Variants in SPIDR observed in about 807,000 individuals in gnomAD.
SPIDR encodes the protein DNA repair-scaffolding protein.
A neutral mutation model predicts 104.6 loss-of-function variants in SPIDR; 93 were observed. The ratio of observed to expected loss-of-function variants is 0.89; its 90% CI spans 0.75 to 1.06. The LOEUF (loss-of-function observed/expected upper bound fraction) is 1.06, where lower values mean the gene tolerates loss of function less well. SPIDR is among the 50% of genes least tolerant of loss of function. SPIDR has a pLI of 0.00. For synonymous variants in SPIDR, 431 were observed against 416.9 expected (o/e 1.03, Z -0.41); for missense variants, 1,154 against 1,111.2 (o/e 1.04, Z -0.55).
chr8:47,439,601 G>A (rs565721642), intron 7 of SPIDR, among the ~76,000 whole-genome samples: 158 of 152,232 alleles, frequency 1.0e-3, no homozygotes, highest in Non-Finnish European at 1.7e-3. Context: ...CAGTTTCTGG[G>A]TACCTACCTA....
At chr8:47,403,505 A>T (rs1424396603) in intron 6 of SPIDR, among the ~76,000 whole-genome samples, 2 of 152,246 alleles carry the variant, frequency 1.3e-5, no homozygotes, top group African/African-American at 4.8e-5. Context: ...AATTCAGCAA[A>T]GTCTTGGGAT....
chr8:47,654,235 G>C, intron 10 of SPIDR: 1 of 1,230,078 alleles, frequency 8.1e-7, no homozygotes, highest in Non-Finnish European at 1.1e-6. Flanking sequence ...GAAAGAACAG[G>C]GTTTAAGAGA....
At chr8:47,466,918 TAGATAGATAG>T (rs1564054530) in intron 8 of SPIDR, among the ~76,000 whole-genome samples, 8 of 123,732 alleles carry the variant, frequency 6.5e-5, no homozygotes, top group South Asian at 2.4e-4. Context: ...TATATATAGA[TAGATAGATAG>T]ATAGATAGAT....
At chr8:47,735,007 G>C (rs1167311203) in intron 19 of SPIDR, among the ~76,000 whole-genome samples, 1 of 152,174 alleles carries the variant, frequency 6.6e-6, no homozygotes, top group Non-Finnish European at 1.5e-5. Context: ...CTTCCCAGCA[G>C]AGTCTGTGTG....
intron 8 of SPIDR, among the ~76,000 whole-genome samples, chr8:47,443,848 G>A (rs1347619653): frequency 4.6e-5 from 7 of 151,738 alleles, no homozygotes; most frequent in African/African-American, 1.7e-4. Flanking sequence ...TACAATGGCT[G>A]CTTACCCCGA....
chr8:47,331,613 T>TG (rs1449241591), intron 5 of SPIDR, among the ~76,000 whole-genome samples: 1 of 152,212 alleles, frequency 6.6e-6, no homozygotes, highest in East Asian at 1.9e-4. Flanking sequence ...GTTGAGTGAA[T>TG]GTGAAGGCCT....
chr8:47,337,986 T>C (rs1379407339), intron 5 of SPIDR, among the ~76,000 whole-genome samples: 1 of 152,228 alleles, frequency 6.6e-6, no homozygotes, highest in Non-Finnish European at 1.5e-5. Flanking sequence ...TAATGTAATT[T>C]TATAATAGGT....
chr8:47,572,121 T>C (rs1170709949), intron 8 of SPIDR, among the ~76,000 whole-genome samples: 1 of 152,194 alleles, frequency 6.6e-6, no homozygotes, highest in Non-Finnish European at 1.5e-5. Context: ...ATATTTGATA[T>C]AATATAAAAT....
intron 16 of SPIDR, among the ~76,000 whole-genome samples, chr8:47,716,162 GT>G (rs1161858007): frequency 6.6e-6 from 1 of 151,950 alleles, no homozygotes; most frequent in South Asian, 2.1e-4. Context: ...ATTTTGCCGT[GT>G]TGGCCAGGCT....
intron 1 of SPIDR, among the ~76,000 whole-genome samples, chr8:47,268,790 C>A (rs1405284206): frequency 6.6e-6 from 1 of 152,056 alleles, no homozygotes; most frequent in African/African-American, 2.4e-5. Flanking sequence ...GAGATTGTAT[C>A]CTGCAACTTT....
chr8:47,411,007 G>T (rs1253131954), intron 7 of SPIDR, among the ~76,000 whole-genome samples: 2 of 152,134 alleles, frequency 1.3e-5, no homozygotes, highest in Non-Finnish European at 2.9e-5. Context: ...TTTTATGGCT[G>T]CATAGTATTT....
chr8:47,293,913 G>A lies in SPIDR; in HGVS notation c.408G>A (p.Glu136=). ...GGGAGATTGACAGTGACAGGGCAGAGGCTAGTGACTGTGATGAATTTGAAG... is the reference window on the plus strand; with the variant it reads ...GGGAGATTGACAGTGACAGGGCAGAAGCTAGTGACTGTGATGAATTTGAAG... ...IDWEIDSDRA[E]ASDCDEFEDD... The change falls in exon 5 of 20, where the codon GAG becomes GAA. Residue 136 remains glutamate (E), a synonymous_variant. Transcript: ENST00000297423. 5.6e-6 allele frequency: 9 copies of A among 1,614,088 alleles called. No homozygotes were observed. Among genetic ancestry groups the A allele is most frequent in the South Asian group, 2.2e-5 (2 of 91,078 alleles).
At chr8:47,284,332 T>A (rs1162253413) in intron 3 of SPIDR, among the ~76,000 whole-genome samples, 3 of 152,206 alleles carry the variant, frequency 2.0e-5, no homozygotes, top group African/African-American at 7.2e-5. Context: ...TTGTGTGTCC[T>A]TCCTAAGTTC....
At position 47,564,072 on chromosome 8, in the gene SPIDR, CTTTTTTTTTTTT is replaced by C. The variant is rs869220760; in HGVS notation, c.1098-31725_1098-31714del. On this transcript the variant is annotated intron_variant, in intron 8 of 19. Coordinates refer to ENST00000297423, the MANE Select transcript of SPIDR (RefSeq NM_001080394.4). ...TAAATATTTGCTTCTTTTTTCTTTTCTTTTTTTTTTTTTTTTTTTTTTTTTGAGGCGGAGTCT... is the reference window on the plus strand; with the variant it reads ...TAAATATTTGCTTCTTTTTTCTTTTCTTTTTTTTTTTTTGAGGCGGAGTCT... Among the ~76,000 whole-genome samples the C allele has an allele frequency of 3.4e-4, 26 of 76,834 alleles. 1 individual carries two copies. The Admixed American group carries it at 4.9e-3, about 14-fold the overall frequency. The allele number at this position is 76,834 out of a possible 152,430, so 50.4% of individuals were successfully genotyped here.
At chr8:47,539,825 G>C (rs1228814700) in intron 8 of SPIDR, among the ~76,000 whole-genome samples, 3 of 152,034 alleles carry the variant, frequency 2.0e-5, no homozygotes, top group Non-Finnish European at 4.4e-5. Flanking sequence ...CTGCAGCCTT[G>C]TTAGGACTGT....
intron 7 of SPIDR, among the ~76,000 whole-genome samples, chr8:47,424,331 G>T (rs1050111409): frequency 6.6e-6 from 1 of 151,946 alleles, no homozygotes; most frequent in Non-Finnish European, 1.5e-5. Context: ...TTTGAGTAGG[G>T]TCTCCCTCTG....
At chr8:47,588,889 G>C (rs1415573655) in intron 8 of SPIDR, among the ~76,000 whole-genome samples, 1 of 151,982 alleles carries the variant, frequency 6.6e-6, no homozygotes, top group Non-Finnish European at 1.5e-5. Context: ...TACCAAACAA[G>C]GCCATCTTGC....
chr8:47,464,323 A>G (rs1354688289), intron 8 of SPIDR, among the ~76,000 whole-genome samples: 1 of 152,176 alleles, frequency 6.6e-6, no homozygotes. Flanking sequence ...TAGATGCCAG[A>G]CTCTTACAAT....
At chr8:47,732,347 G>A (rs767774483) in intron 19 of SPIDR, among the ~76,000 whole-genome samples, 37 of 152,242 alleles carry the variant, frequency 2.4e-4, no homozygotes, top group Non-Finnish European at 4.3e-4. Flanking sequence ...GCCCATGCCC[G>A]TGTGCATGTG....
Sources: gnomAD v4.1 joint callset for allele counts (sites outside exome capture counted in the v4.1 genomes callset) on GRCh38, gnomAD v4.1.1 for gene constraint, MANE v1.5 for transcripts, NCBI Gene and HGNC (gene_info 2026-07-23, HGNC 2026-07-21) for gene names.